Variants in PAK1 observed in about 807,000 individuals in gnomAD.
PAK1 encodes the protein serine/threonine-protein kinase PAK 1.
In PAK1, 29 loss-of-function variants were observed where a neutral mutation model predicts 67.4. That is an observed-to-expected ratio of 0.43 (90% CI 0.32 to 0.59). The LOEUF (loss-of-function observed/expected upper bound fraction) is 0.59. Among genes scored for constraint, PAK1 ranks in the 20% least tolerant of loss-of-function variants. PAK1 has a pLI of 0.07. For missense variants in PAK1, 337 were observed against 670.7 expected, an observed-to-expected ratio of 0.50 and a Z score of 5.50; for synonymous variants, 223 against 237.4, an observed-to-expected ratio of 0.94 and a Z score of 0.56.
the PAK1 span, among the ~76,000 whole-genome samples, chr11:77,526,403 C>T: frequency 6.6e-6 from 1 of 152,172 alleles, no homozygotes; most frequent in Non-Finnish European, 1.5e-5. Context: ...AACAACTCTG[C>T]TCTAGGATTC....
At chr11:77,415,713 G>A (rs1181216108) in intron 1 of PAK1, among the ~76,000 whole-genome samples, 1 of 152,036 alleles carries the variant, frequency 6.6e-6, no homozygotes, top group Admixed American at 6.5e-5. Flanking sequence ...AGAGGTAAGT[G>A]AATGGAAAGG....
the PAK1 span, among the ~76,000 whole-genome samples, chr11:77,490,078 G>C: frequency 1.3e-5 from 2 of 151,538 alleles, no homozygotes; most frequent in Admixed American, 6.6e-5. Context: ...CGTCTGAGAT[G>C]TGGGGAGCGC....
chr11:77,428,485 T>C (rs1955674108), intron 1 of PAK1, among the ~76,000 whole-genome samples: 1 of 150,088 alleles, frequency 6.7e-6, no homozygotes, highest in Admixed American at 6.7e-5. Context: ...GGCAGGAGAA[T>C]GGCATGAACC....
At chr11:77,372,952 A>G (rs771743207) in intron 5 of PAK1, among the ~76,000 whole-genome samples, 3 of 152,234 alleles carry the variant, frequency 2.0e-5, no homozygotes, top group Non-Finnish European at 4.4e-5. Context: ...TGCCAAGGAT[A>G]TAACAATTAA....
intron 1 of PAK1, among the ~76,000 whole-genome samples, chr11:77,429,453 T>C (rs1955758351): frequency 6.6e-6 from 1 of 152,178 alleles, no homozygotes; most frequent in South Asian, 2.1e-4. Flanking sequence ...AGAAGGCTGG[T>C]AGACACCACC....
At chr11:77,347,098 C>A (rs767833820) in intron 9 of PAK1, 10 of 455,992 alleles carry the variant, frequency 2.2e-5, no homozygotes, top group East Asian at 6.9e-5. Flanking sequence ...GGAAATGAAG[C>A]CTTCCTGACC....
the PAK1 span, among the ~76,000 whole-genome samples, chr11:77,513,557 G>A: frequency 6.7e-6 from 1 of 149,640 alleles, no homozygotes; most frequent in South Asian, 2.1e-4. Context: ...TGTAGTCCCA[G>A]CTTCTAGGGA....
intron 1 of PAK1, among the ~76,000 whole-genome samples, chr11:77,446,883 A>T (rs1453873151): frequency 2.0e-5 from 3 of 150,384 alleles, no homozygotes; most frequent in African/African-American, 7.4e-5. Flanking sequence ...TGAATAGGGG[A>T]GCTGTGACAA....
the PAK1 span, among the ~76,000 whole-genome samples, chr11:77,501,912 T>C: frequency 6.6e-6 from 1 of 152,196 alleles, no homozygotes; most frequent in Non-Finnish European, 1.5e-5. Flanking sequence ...ATCTTCCTCC[T>C]TCTGCTTCCT....
chr11:77,370,013 T>C (rs1948209675), intron 5 of PAK1, among the ~76,000 whole-genome samples: 1 of 152,188 alleles, frequency 6.6e-6, no homozygotes. Context: ...GATAGATTAG[T>C]GTATGTAATT....
intron 2 of PAK1, among the ~76,000 whole-genome samples, chr11:77,390,695 T>A (rs1951022813): frequency 1.4e-5 from 2 of 141,672 alleles, no homozygotes; most frequent in African/African-American, 5.3e-5. Flanking sequence ...AGAGACAAGG[T>A]CTTCCTATTT....
At chr11:77,376,804 G>A (rs1485766222) in intron 4 of PAK1, among the ~76,000 whole-genome samples, 2 of 151,620 alleles carry the variant, frequency 1.3e-5, no homozygotes, top group African/African-American at 4.8e-5. Context: ...TAGCATGGAA[G>A]ATTGTGCTTC....
chr11:77,372,728 T>A (rs189024385), intron 5 of PAK1, among the ~76,000 whole-genome samples: 35 of 152,330 alleles, frequency 2.3e-4, no homozygotes, highest in Admixed American at 5.9e-4. Context: ...ATTCTAGTCA[T>A]AACCACTTCG....
intron 1 of PAK1, among the ~76,000 whole-genome samples, chr11:77,404,596 A>T (rs1953200503): frequency 6.6e-6 from 1 of 152,104 alleles, no homozygotes. Context: ...AGAAAATAGA[A>T]ATCTTGGCAG....
At chr11:77,490,263 C>T in the PAK1 span, among the ~76,000 whole-genome samples, 5 of 151,518 alleles carry the variant, frequency 3.3e-5, no homozygotes, top group African/African-American at 1.2e-4. Context: ...CGGCCAGCCG[C>T]CCCGTCTCAG....
intron 1 of PAK1, among the ~76,000 whole-genome samples, chr11:77,442,617 G>C (rs987989146): frequency 6.6e-6 from 1 of 152,166 alleles, no homozygotes; most frequent in South Asian, 2.1e-4. Flanking sequence ...CCCCATTACA[G>C]ACAGTGAAGC....
In PAK1 at chr11:77,343,876, T is replaced by C. The variant is rs1944009387; in HGVS notation, c.941A>G (p.Asn314Ser). 3 of 1,613,616 alleles carry C rather than the reference T, an allele frequency of 1.9e-6. No homozygotes were observed. The highest frequency in any genetic ancestry group is 2.5e-6 in the Non-Finnish European group (3 of 1,179,656). Residue 314 changes from asparagine (N) to serine (S), a missense_variant, in exon 10 of 15, where the codon AAT becomes AGT. Transcript: ENST00000356341. ...QQQPKKELII[N>S]EILVMRENKN... ...GTTTTCCCTCATGACCAGGATCTCA[T>C]TAATAATCAGCTCTTTCTTGGGCTG...
chr11:77,420,930 C>T (rs471498), intron 1 of PAK1, among the ~76,000 whole-genome samples: 2 of 152,026 alleles, frequency 1.3e-5, no homozygotes, highest in African/African-American at 2.4e-5. Context: ...ATGTCAATAG[C>T]GCCACTGTTG....
At chr11:77,424,794 C>T (rs901714579) in intron 1 of PAK1, among the ~76,000 whole-genome samples, 3 of 152,158 alleles carry the variant, frequency 2.0e-5, no homozygotes, top group African/African-American at 7.2e-5. Flanking sequence ...AGGTCCTCCA[C>T]CTTTAAGATC....
Sources: gnomAD v4.1 joint callset for allele counts (sites outside exome capture counted in the v4.1 genomes callset) on GRCh38, gnomAD v4.1.1 for gene constraint, MANE v1.5 for transcripts, NCBI Gene and HGNC (gene_info 2026-07-23, HGNC 2026-07-21) for gene names.